CHRM2: variants seen among roughly 807,000 people sequenced by gnomAD.
The protein encoded by CHRM2 is muscarinic acetylcholine receptor M2.
In CHRM2, 8 loss-of-function variants were observed where a neutral mutation model predicts 25.0. That is an observed-to-expected ratio of 0.32 (90% CI 0.19 to 0.58). The LOEUF (loss-of-function observed/expected upper bound fraction) is 0.58, where lower values mean the gene tolerates loss of function less well. Among genes scored for constraint, CHRM2 ranks in the 20% least tolerant of loss-of-function variants. The probability of loss-of-function intolerance (pLI) is 0.88; values close to 1 mark genes in which losing one functional copy is unlikely to be tolerated. For missense variants in CHRM2, 440 were observed against 567.1 expected, an observed-to-expected ratio of 0.78 and a Z score of 2.28; for synonymous variants, 202 against 205.7, an observed-to-expected ratio of 0.98 and a Z score of 0.15.
At chr7:136,889,907 T>A (rs935611442) in intron 2 of CHRM2, among the ~76,000 whole-genome samples, 1 of 152,196 alleles carries the variant, frequency 6.6e-6, no homozygotes, top group Admixed American at 6.5e-5. Flanking sequence ...TTCACAAATA[T>A]AAAGCACAGA....
chr7:136,992,003 A>G (rs1563112373), intron 2 of CHRM2, among the ~76,000 whole-genome samples, 184 bp from the exon 3 acceptor site: 3 of 152,144 alleles, frequency 2.0e-5, no homozygotes, highest in African/African-American at 7.2e-5. Flanking sequence ...TGGAGGAGTA[A>G]ACCTTTGTCC....
chr7:136,896,630 T>C (rs1270076962), intron 2 of CHRM2, among the ~76,000 whole-genome samples: 2 of 152,096 alleles, frequency 1.3e-5, no homozygotes, highest in Non-Finnish European at 2.9e-5. Flanking sequence ...TAACTAAAAA[T>C]GAAACATCTT....
intron 2 of CHRM2, among the ~76,000 whole-genome samples, chr7:136,943,117 T>C (rs1050354736): frequency 1.8e-4 from 28 of 152,276 alleles, no homozygotes; most frequent in African/African-American, 6.5e-4. Context: ...TGTTTTGCAG[T>C]GCAGCCCATC....
intron 2 of CHRM2, among the ~76,000 whole-genome samples, chr7:136,883,830 A>G (rs537538446): frequency 6.6e-6 from 1 of 152,230 alleles, no homozygotes; most frequent in Admixed American, 6.5e-5. Flanking sequence ...CAGGTATGAA[A>G]TGACGCCAAC....
chr7:136,899,896 TA>T (rs958969592), intron 2 of CHRM2: 2 of 152,072 alleles, frequency 1.3e-5, no homozygotes, highest in Admixed American at 6.6e-5. Context: ...CTTCATAGTT[TA>T]AAAAGCTTGT....
chr7:136,991,168 A>G (rs1336512265), intron 2 of CHRM2, among the ~76,000 whole-genome samples: 1 of 152,076 alleles, frequency 6.6e-6, no homozygotes, highest in African/African-American at 2.4e-5. Flanking sequence ...TATTTCATGG[A>G]TTGCCTTTGG....
At chr7:136,972,128 CT>C (rs542113762) in intron 2 of CHRM2, among the ~76,000 whole-genome samples, 64 of 144,168 alleles carry the variant, frequency 4.4e-4, no homozygotes, top group East Asian at 8.0e-4. Flanking sequence ...GTCAGTATGC[CT>C]TTTTTTTTTT....
chr7:136,947,012 T>C (rs1444919209), intron 2 of CHRM2, among the ~76,000 whole-genome samples: 3 of 152,136 alleles, frequency 2.0e-5, no homozygotes, highest in Non-Finnish European at 4.4e-5. Flanking sequence ...AGTTAGTGGA[T>C]TCATTCTATT....
chr7:136,890,265 T>C (rs991287054), intron 2 of CHRM2, among the ~76,000 whole-genome samples: 2 of 152,150 alleles, frequency 1.3e-5, no homozygotes, highest in African/African-American at 4.8e-5. Flanking sequence ...CGTGGGCACA[T>C]GGACTCCGAA....
chr7:136,930,539 T>C (rs1376241385), intron 2 of CHRM2, among the ~76,000 whole-genome samples: 1 of 151,838 alleles, frequency 6.6e-6, no homozygotes, highest in Non-Finnish European at 1.5e-5. Flanking sequence ...CTCTAGGAGA[T>C]TTTTTGCTGA....
chr7:136,903,227 A>T, intron 2 of CHRM2: 4 of 534,300 alleles, frequency 7.5e-6, no homozygotes, highest in South Asian at 4.2e-5. Flanking sequence ...AGGTGGGTCA[A>T]GTTTAGAGAT....
At chr7:136,938,584 C>T in intron 2 of CHRM2, 1 of 882,388 alleles carries the variant, frequency 1.1e-6, no homozygotes. Context: ...AGCCGCTGCC[C>T]AGGCCACCCC....
chr7:136,947,719 A>T (rs1800151549), intron 2 of CHRM2, among the ~76,000 whole-genome samples: 1 of 152,146 alleles, frequency 6.6e-6, no homozygotes, highest in African/African-American at 2.4e-5. Context: ...CAAAAAATAG[A>T]GATTAAAGAC....
intron 2 of CHRM2, among the ~76,000 whole-genome samples, chr7:136,946,837 A>G (rs1800100693): frequency 6.6e-6 from 1 of 152,170 alleles, no homozygotes; most frequent in Non-Finnish European, 1.5e-5. Flanking sequence ...TTTTTCTCCA[A>G]GAAGGAAGAA....
In CHRM2 at chr7:137,016,454, AAACTGTCAGTATTAGGAGC is replaced by A; in HGVS notation, c.*191_*209del. 1 of 619,442 alleles carries A rather than the reference AAACTGTCAGTATTAGGAGC, an allele frequency of 1.6e-6. No homozygotes were observed. The highest frequency in any genetic ancestry group is 2.0e-5 in the South Asian group (1 of 49,996). 38.4% of individuals were successfully genotyped at this position (619,442 alleles called of 1,614,324 possible). ...CCAGTTTGCAAAAATTGCACCTTAT[AAACTGTCAGTATTAGGAGC>A]AATGAGACAATGAAAGAAACATGTT... On this transcript the variant is annotated 3_prime_UTR_variant, in exon 4 of 4. Coordinates refer to ENST00000680005, the MANE Select transcript of CHRM2 (RefSeq NM_001006630.2).
chr7:136,920,298 T>C (rs530340042), intron 2 of CHRM2, among the ~76,000 whole-genome samples: 22 of 152,274 alleles, frequency 1.4e-4, no homozygotes, highest in African/African-American at 4.8e-4. Flanking sequence ...TTTATAGTTA[T>C]TAGTAAAACA....
intron 2 of CHRM2, among the ~76,000 whole-genome samples, chr7:136,895,391 T>C (rs911043957): frequency 1.3e-5 from 2 of 152,186 alleles, no homozygotes; most frequent in African/African-American, 4.8e-5. Flanking sequence ...TCTCAAAATA[T>C]GTTTGGGGCT....
Position 136,925,540 on chromosome 7 carries a change from C to CTTT in CHRM2, c.-125+56130_-125+56132dup, listed in dbSNP as rs139806824. On this transcript the variant is annotated intron_variant, in intron 2 of 3. Transcript: ENST00000680005. ...AAGAACAATGTAAAACTATAAACAG[C>CTTT]TTTTTTTTTTCTAAATGGGAAGTCT... Among the ~76,000 whole-genome samples the CTTT allele has an allele frequency of 2.1e-4, 32 of 149,536 alleles. No individual in the cohort carries two copies. In the South Asian group the frequency reaches 3.2e-3, roughly 15 times the overall value.
intron 2 of CHRM2, among the ~76,000 whole-genome samples, chr7:136,907,394 C>T (rs923388494): frequency 6.6e-6 from 1 of 152,018 alleles, no homozygotes; most frequent in South Asian, 2.1e-4. Context: ...TGGGATGGTT[C>T]GTCTTGATGG....
Sources: allele counts gnomAD v4.1 joint callset (sites outside exome capture counted in the v4.1 genomes callset), GRCh38; gene constraint gnomAD v4.1.1; transcripts MANE v1.5; gene names NCBI Gene and HGNC (gene_info 2026-07-23, HGNC 2026-07-21).